SLC9A2: variants seen among roughly 807,000 people sequenced by gnomAD.
The protein encoded by SLC9A2 is sodium/hydrogen exchanger 2.
A neutral mutation model predicts 71.7 loss-of-function variants in SLC9A2; 42 were observed. The observed-to-expected ratio is 0.59, with a 90% CI of 0.46 to 0.76. The LOEUF (loss-of-function observed/expected upper bound fraction) is 0.76. Ranked by LOEUF, SLC9A2 falls within the 30% of genes least tolerant of loss-of-function variation. SLC9A2 has a pLI of 0.00. For missense variants in SLC9A2, 829 were observed against 1,017.4 expected (o/e 0.81, Z 2.52); for synonymous variants, 396 against 392.5 (o/e 1.01, Z -0.10).
chr2:102,669,135 A>G (rs1267832730), intron 3 of SLC9A2, among the ~76,000 whole-genome samples: 1 of 152,206 alleles, frequency 6.6e-6, no homozygotes, highest in Non-Finnish European at 1.5e-5. Flanking sequence ...ATTTTATCAT[A>G]AGACTGAGGT....
At chr2:102,698,033 C>A (rs1289371222) in intron 7 of SLC9A2, among the ~76,000 whole-genome samples, 1 of 152,036 alleles carries the variant, frequency 6.6e-6, no homozygotes. Flanking sequence ...ACGCACTATC[C>A]CTACACGAAA....
intron 1 of SLC9A2, among the ~76,000 whole-genome samples, chr2:102,653,310 T>C (rs976873311): frequency 1.3e-5 from 2 of 152,224 alleles, no homozygotes; most frequent in African/African-American, 4.8e-5. Flanking sequence ...GAGTACAGAT[T>C]TGAAAACATG....
At chr2:102,667,966 T>C (rs1677173987) in intron 3 of SLC9A2, among the ~76,000 whole-genome samples, 1 of 151,848 alleles carries the variant, frequency 6.6e-6, no homozygotes, top group Non-Finnish European at 1.5e-5. Context: ...TCCCAGCTAC[T>C]CAGGAGGCTG....
At chr2:102,654,724 G>A (rs1404546621) in intron 1 of SLC9A2, among the ~76,000 whole-genome samples, 1 of 152,152 alleles carries the variant, frequency 6.6e-6, no homozygotes, top group Admixed American at 6.5e-5. Context: ...TTGTCATTGT[G>A]TGACATCATA....
chr2:102,676,370 C>T (rs1430017990), intron 3 of SLC9A2, among the ~76,000 whole-genome samples: 2 of 152,164 alleles, frequency 1.3e-5, no homozygotes, highest in African/African-American at 2.4e-5. Context: ...GAGTTGTGAT[C>T]CTTTGGTGTT....
chr2:102,694,444 C>T lies in SLC9A2; in HGVS notation c.1456C>T (p.Leu486Phe). ...GITIRPLVEFLDVKRSNKKQQ... is the reference protein window; with the variant it reads ...GITIRPLVEFFDVKRSNKKQQ... The stretch of plus-strand genomic sequence containing the variant: ...AACTATTCGACCACTGGTGGAGTTT[C>T]TTGATGTCAAGAGGTCCAATAAGAA... Residue 486 changes from leucine to phenylalanine, a missense_variant, in exon 6 of 12, where the codon CTT becomes TTT. Leu to Phe is a conservative substitution (Grantham distance 22). This residue lies in a region of SLC9A2 where 500 missense variants were observed against 726.3 expected (regional missense o/e 0.69). Coordinates refer to ENST00000233969, the MANE Select transcript of SLC9A2 (RefSeq NM_003048.6). 1 of 1,533,032 alleles carries T rather than the reference C, an allele frequency of 6.5e-7. No homozygotes were observed. The highest frequency in any genetic ancestry group is 8.9e-7 in the Non-Finnish European group (1 of 1,128,610). 95.0% of individuals were successfully genotyped at this position (1,533,032 alleles called of 1,614,324 possible).
At chr2:102,671,193 T>G (rs1294598721) in intron 3 of SLC9A2, among the ~76,000 whole-genome samples, 1 of 152,200 alleles carries the variant, frequency 6.6e-6, no homozygotes, top group Non-Finnish European at 1.5e-5. Context: ...GTCTTAGATC[T>G]CTGGCTCCTT....
intron 1 of SLC9A2, among the ~76,000 whole-genome samples, chr2:102,654,725 T>C (rs914156668): frequency 2.0e-5 from 3 of 152,182 alleles, no homozygotes; most frequent in Non-Finnish European, 4.4e-5. Flanking sequence ...TGTCATTGTG[T>C]GACATCATAG....
intron 3 of SLC9A2, among the ~76,000 whole-genome samples, chr2:102,679,943 T>C (rs1558717940): frequency 6.6e-6 from 1 of 152,192 alleles, no homozygotes; most frequent in Non-Finnish European, 1.5e-5. Context: ...TGCTGATGTT[T>C]CCACTCTATA....
rs1233049621 is a variant in SLC9A2 at position 102,620,078 on chromosome 2, A to C, written c.230A>C (p.His77Pro). ...RLPVFTLDYPHVQIPFEITLW... is the reference protein window; with the variant it reads ...RLPVFTLDYPPVQIPFEITLW... ...CCTGTGTTTACGCTGGATTACCCCCACGTGCAGATCCCCTTCGAGATCACC... is the reference window on the plus strand; with the variant it reads ...CCTGTGTTTACGCTGGATTACCCCCCCGTGCAGATCCCCTTCGAGATCACC... The change falls in exon 1 of 12, where the codon CAC becomes CCC. Residue 77 changes from histidine (H) to proline (P), a missense_variant. Physicochemically the swap from His to Pro is moderately conservative, Grantham distance 77 (BLOSUM62 -2). Around this residue, in one of 3 missense-constraint regions of SLC9A2, gnomAD observed 500 missense variants for 726.3 expected, o/e 0.69. Transcript: ENST00000233969. 1 of 1,613,528 alleles carries C rather than the reference A, an allele frequency of 6.2e-7. No individual in the cohort carries two copies. The highest frequency in any genetic ancestry group is 1.3e-5 in the African/African-American group (1 of 74,810).
intron 5 of SLC9A2, 81 bp downstream of exon 5, chr2:102,684,417 C>A: frequency 7.8e-7 from 1 of 1,285,324 alleles, no homozygotes; most frequent in Non-Finnish European, 1.1e-6. Context: ...TGCAAAGTAG[C>A]AAAGGTGTGT....
intron 1 of SLC9A2, among the ~76,000 whole-genome samples, chr2:102,644,972 G>A (rs6755278): frequency 0.031 from 4,647 of 152,276 alleles, 241 homozygotes; most frequent in African/African-American, 0.11. Context: ...GCCTCCTCAA[G>A]TGAGTCCCTG....
intron 3 of SLC9A2, among the ~76,000 whole-genome samples, chr2:102,678,214 C>T (rs545644569): frequency 6.6e-6 from 1 of 152,122 alleles, no homozygotes; most frequent in South Asian, 2.1e-4. Flanking sequence ...TTGGGTCTTA[C>T]TTGCTTTCAT....
At chr2:102,667,302 C>T (rs866779471) in intron 3 of SLC9A2, among the ~76,000 whole-genome samples, 7 of 151,870 alleles carry the variant, frequency 4.6e-5, no homozygotes, top group Non-Finnish European at 7.4e-5. Context: ...AGTGTGGGGG[C>T]GGGACTTAGT....
rs78519728 is a variant in SLC9A2, at chr2:102,622,420, A to G, written c.289+2283A>G. On this transcript the variant is annotated intron_variant, in intron 1 of 11. Coordinates refer to ENST00000233969, the MANE Select transcript of SLC9A2 (RefSeq NM_003048.6). ...CTCTGTTGCCATTTCTATTCCAACT[A>G]TCTCCTTTGTTCATCATTCCTGATT... Among the ~76,000 whole-genome samples, 1,037 of 152,222 alleles carry G rather than the reference A, an allele frequency of 6.8e-3. 11 individuals carry two copies. The highest frequency in any genetic ancestry group is 0.023 in the African/African-American group (966 of 41,524).
chr2:102,634,585 T>C (rs1255253471), intron 1 of SLC9A2, among the ~76,000 whole-genome samples: 1 of 152,214 alleles, frequency 6.6e-6, no homozygotes, highest in East Asian at 1.9e-4. Flanking sequence ...ATCTGTTTTG[T>C]CCATTTGCTC....
chr2:102,695,187 T>A (rs1677733146), intron 7 of SLC9A2, 74 bp downstream of exon 7: 2 of 1,053,728 alleles, frequency 1.9e-6, no homozygotes, highest in East Asian at 4.8e-5. Flanking sequence ...CTGATTTGTA[T>A]TATTTTTTAA....
intron 5 of SLC9A2, among the ~76,000 whole-genome samples, chr2:102,693,097 T>A (rs1488755252): frequency 6.6e-6 from 1 of 151,922 alleles, no homozygotes; most frequent in African/African-American, 2.4e-5. Flanking sequence ...TTTATATGTT[T>A]TTTTCATTGC....
In SLC9A2 at chr2:102,684,262, G is replaced by A; in HGVS notation, c.1351G>A (p.Ala451Thr). 2 of 1,614,122 alleles carry A rather than the reference G, an allele frequency of 1.2e-6. No individual in the cohort carries two copies. Among genetic ancestry groups the A allele is most frequent in the Non-Finnish European group, 8.5e-7 (1 of 1,180,010 alleles). ...ICFALVFLLP[A>T]AVFPRKKLFI... ...TTTTGCGTTAGTGTTTCTCCTTCCT[G>A]CTGCTGTGTTTCCTCGGAAAAAATT... The change falls in exon 5 of 12, where the codon GCT becomes ACT. Residue 451 changes from alanine to threonine, a missense_variant. By Grantham distance (58) the Ala-to-Thr change is moderately conservative. Coordinates refer to ENST00000233969, the MANE Select transcript of SLC9A2 (RefSeq NM_003048.6).
Sources: allele counts gnomAD v4.1 joint callset (sites outside exome capture counted in the v4.1 genomes callset), GRCh38; gene constraint gnomAD v4.1.1; regional missense constraint gnomAD v4.1.1; transcripts MANE v1.5; gene names NCBI Gene and HGNC (gene_info 2026-07-23, HGNC 2026-07-21).